Variants in CACNB2 observed in about 807,000 individuals in gnomAD.
CACNB2 encodes calcium voltage-gated channel auxiliary subunit beta 2, also known as voltage-dependent L-type calcium channel subunit beta-2.
A neutral mutation model predicts 73.3 loss-of-function variants in CACNB2; 42 were observed. The ratio of observed to expected loss-of-function variants is 0.57; its 90% CI spans 0.45 to 0.74. The LOEUF (loss-of-function observed/expected upper bound fraction) is 0.74. Ranked by LOEUF, CACNB2 falls within the 30% of genes least tolerant of loss-of-function variation. The probability of loss-of-function intolerance (pLI) is 0.00; values close to 1 mark genes in which losing one functional copy is unlikely to be tolerated. For synonymous variants in CACNB2, 348 were observed against 310.3 expected, an observed-to-expected ratio of 1.12 and a Z score of -1.28; for missense variants, 940 against 853.0, an observed-to-expected ratio of 1.10 and a Z score of -1.27.
chr10:18,224,235 C>T (rs1246486463), intron 2 of CACNB2: 1 of 151,958 alleles, frequency 6.6e-6, no homozygotes, highest in Non-Finnish European at 1.5e-5. Context: ...GCTTTAAACA[C>T]AGCAAACTTT....
chr10:18,480,134 G>C (rs2132830413), intron 3 of CACNB2, among the ~76,000 whole-genome samples: 2 of 152,270 alleles, frequency 1.3e-5, no homozygotes, highest in Middle Eastern at 6.8e-3. Flanking sequence ...ATTTTCAAAT[G>C]AGAGAAACAA....
chr10:18,181,065 G>GAAA (rs34924301), intron 2 of CACNB2, among the ~76,000 whole-genome samples: 3,207 of 117,816 alleles, frequency 0.027, 59 homozygotes, highest in Middle Eastern at 0.075. Context: ...AGCCAAAATA[G>GAAA]AAAAAAAAAA....
At chr10:18,164,902 C>G (rs1369054336) in intron 2 of CACNB2, among the ~76,000 whole-genome samples, 2 of 152,166 alleles carry the variant, frequency 1.3e-5, no homozygotes, top group Non-Finnish European at 2.9e-5. Context: ...GTACTAAGTT[C>G]TTGTCATGGG....
intron 3 of CACNB2, among the ~76,000 whole-genome samples, chr10:18,426,462 T>G (rs1420071619): frequency 6.6e-6 from 1 of 152,212 alleles, no homozygotes; most frequent in Admixed American, 6.5e-5. Flanking sequence ...CTTTCTAAAC[T>G]TATTAAATGC....
chr10:18,193,359 A>C (rs1160978467), intron 2 of CACNB2, among the ~76,000 whole-genome samples: 2 of 151,472 alleles, frequency 1.3e-5, no homozygotes, highest in African/African-American at 4.9e-5. Flanking sequence ...GCCAACACTT[A>C]TTATTTTCTA....
At chr10:18,361,761 T>C (rs1442731667) in intron 2 of CACNB2, among the ~76,000 whole-genome samples, 1 of 151,960 alleles carries the variant, frequency 6.6e-6, no homozygotes, top group Non-Finnish European at 1.5e-5. Context: ...TACAGGTGCA[T>C]GCCATCATGC....
chr10:18,379,765 C>A (rs2042938856), intron 2 of CACNB2, among the ~76,000 whole-genome samples: 1 of 152,220 alleles, frequency 6.6e-6, no homozygotes, highest in Admixed American at 6.5e-5. Flanking sequence ...TAGCACACTA[C>A]AGCCTCAACC....
At chr10:18,533,565 T>G (rs578134066) in intron 10 of CACNB2, among the ~76,000 whole-genome samples, 1 of 152,314 alleles carries the variant, frequency 6.6e-6, no homozygotes, top group African/African-American at 2.4e-5. Flanking sequence ...TTTGGATAAG[T>G]TTCTTTCTGG....
At chr10:18,470,079 A>G (rs1041699302) in intron 3 of CACNB2, among the ~76,000 whole-genome samples, 4 of 151,958 alleles carry the variant, frequency 2.6e-5, no homozygotes, top group Non-Finnish European at 4.4e-5. Flanking sequence ...AAAGTATTCA[A>G]CTTAGGAATT....
At chr10:18,414,835 A>G (rs764466014) in intron 3 of CACNB2, among the ~76,000 whole-genome samples, 13 of 152,078 alleles carry the variant, frequency 8.5e-5, no homozygotes, top group Admixed American at 3.9e-4. Context: ...TAAACACAGC[A>G]ATAAATATGC....
At chr10:18,150,853 G>GTTTTTTTTTTT (rs756678637) in intron 1 of CACNB2, 30 bp from the exon 2 acceptor site, 15 of 655,464 alleles carry the variant, frequency 2.3e-5, no homozygotes, top group Admixed American at 1.2e-4. Flanking sequence ...AATCTTATTT[G>GTTTTTTTTTTT]TCTTTTTTTT....
chr10:18,261,799 G>A (rs1409773242), intron 2 of CACNB2, among the ~76,000 whole-genome samples: 2 of 152,154 alleles, frequency 1.3e-5, no homozygotes, highest in Non-Finnish European at 2.9e-5. Context: ...TGACACAGCT[G>A]TTGCAACAGC....
chr10:18,287,772 C>T (rs914440397), intron 2 of CACNB2, among the ~76,000 whole-genome samples: 6 of 152,052 alleles, frequency 3.9e-5, no homozygotes, highest in African/African-American at 1.4e-4. Context: ...ATTGCTTGAG[C>T]CCAGGAATTT....
In CACNB2 at chr10:18,499,637, A is replaced by AG. The variant is rs1554831783; in HGVS notation, c.456+1160_456+1161insG. 1.6e-3 allele frequency among the ~76,000 whole-genome samples: 151 copies of AG among 92,584 alleles called. 16 individuals carry two copies. The highest frequency in any genetic ancestry group is 5.7e-3 in the Middle Eastern group (1 of 174). 60.7% of individuals were successfully genotyped at this position (92,584 alleles called of 152,430 possible). On this transcript the variant is annotated intron_variant, in intron 4 of 13. Coordinates refer to ENST00000324631, the MANE Select transcript of CACNB2 (RefSeq NM_201596.3). ...TCAAAGAAAAAAAAAAAAAAAAAAA[A>AG]AAGAACCTAGAAGCCTGGGTACTAT...
At chr10:18,460,953 G>A (rs1476575560) in intron 3 of CACNB2, among the ~76,000 whole-genome samples, 1 of 151,082 alleles carries the variant, frequency 6.6e-6, no homozygotes, top group Non-Finnish European at 1.5e-5. Flanking sequence ...TTTTGAGACC[G>A]AGTTTCGTTC....
intron 2 of CACNB2, among the ~76,000 whole-genome samples, chr10:18,307,578 A>G (rs570277887): frequency 2.6e-5 from 4 of 152,324 alleles, no homozygotes; most frequent in African/African-American, 9.6e-5. Flanking sequence ...TATTTTATCT[A>G]TTTTGTTCAT....
intron 2 of CACNB2, among the ~76,000 whole-genome samples, chr10:18,199,975 GTGTGTGTGTC>G (rs1397592015): frequency 1.7e-4 from 25 of 143,272 alleles, no homozygotes; most frequent in African/African-American, 6.6e-4. Context: ...GTGTGTGTGT[GTGTGTGTGTC>G]TGTATTGTTG....
chr10:18,519,396 T>C (rs551225570), intron 9 of CACNB2, among the ~76,000 whole-genome samples: 3 of 152,232 alleles, frequency 2.0e-5, no homozygotes, highest in Non-Finnish European at 2.9e-5. Context: ...TTCCGTGTCA[T>C]TGAGAAAATA....
At chr10:18,207,982 T>C (rs2131338892) in intron 2 of CACNB2, among the ~76,000 whole-genome samples, 1 of 152,360 alleles carries the variant, frequency 6.6e-6, no homozygotes, top group Middle Eastern at 3.4e-3. Flanking sequence ...GTATGCTTTG[T>C]ATGTGCTGCT....
Sources: allele counts gnomAD v4.1 joint callset (sites outside exome capture counted in the v4.1 genomes callset), GRCh38; gene constraint gnomAD v4.1.1; transcripts MANE v1.5; gene names NCBI Gene and HGNC (gene_info 2026-07-23, HGNC 2026-07-21).